Variants in ZNF516 observed in about 807,000 individuals in gnomAD.
The protein encoded by ZNF516 is zinc finger protein 516.
ZNF516 carries 19 observed loss-of-function variants against 79.7 expected under a neutral mutation model. That is an observed-to-expected ratio of 0.24 (90% CI 0.17 to 0.35). ZNF516 has a LOEUF of 0.35. Among genes scored for constraint, ZNF516 ranks in the 10% least tolerant of loss-of-function variants. The pLI is 1.00. For synonymous variants in ZNF516, 877 were observed against 739.5 expected, an observed-to-expected ratio of 1.19 and a Z score of -3.02; for missense variants, 1,678 against 1,679.5, an observed-to-expected ratio of 1.00 and a Z score of 0.02.
chr18:76,441,783 C>A lies in ZNF516; in HGVS notation c.1272G>T (p.Arg424=), dbSNP rs766425853. The stretch of plus-strand genomic sequence containing the variant: ...ACTCGGCCGGCTCGGCCACCTTACC[C>A]CGCGTGGCCAGCTGCCAGGCCTGGT... The part of the protein sequence containing the change: ...NSYQAWQLAT[R]GKVAEPAEYL... The change falls in exon 3 of 7, where the codon CGG becomes CGT. Residue 424 remains arginine (R), a synonymous_variant. Coordinates refer to ENST00000443185, the MANE Select transcript of ZNF516 (RefSeq NM_014643.4). The A allele has an allele frequency of 1.9e-6, 3 of 1,559,672 alleles. No individual in the cohort carries two copies. In the African/African-American group the frequency reaches 4.1e-5, roughly 21 times the overall value.
intron 3 of ZNF516, among the ~76,000 whole-genome samples, chr18:76,381,187 T>G (rs1437838946): frequency 6.6e-6 from 1 of 152,164 alleles, no homozygotes; most frequent in Admixed American, 6.5e-5. Flanking sequence ...TGGGCTGTGC[T>G]CGGAGGTTTT....
intron 4 of ZNF516, among the ~76,000 whole-genome samples, chr18:76,372,175 G>A (rs1599136849): frequency 6.6e-6 from 1 of 152,228 alleles, no homozygotes; most frequent in East Asian, 1.9e-4. Context: ...ATCGGCAAGG[G>A]GGGAAGTCCC....
intron 3 of ZNF516, among the ~76,000 whole-genome samples, chr18:76,407,869 G>A (rs1218185562): frequency 1.3e-5 from 2 of 152,208 alleles, no homozygotes; most frequent in Admixed American, 6.5e-5. Context: ...GTTCAAACAC[G>A]CAGCCCTCTG....
intron 3 of ZNF516, among the ~76,000 whole-genome samples, chr18:76,382,386 G>A (rs1270977339): frequency 6.6e-6 from 1 of 152,208 alleles, no homozygotes. Context: ...CCAGCAGGGA[G>A]AGATCTAGTT....
intron 3 of ZNF516, among the ~76,000 whole-genome samples, chr18:76,439,408 G>C (rs1000213952): frequency 3.9e-5 from 6 of 152,142 alleles, no homozygotes; most frequent in African/African-American, 1.4e-4. Context: ...CTCTCAATAA[G>C]CTGAAATATC....
chr18:76,482,031 A>G (rs2145787440), intron 1 of ZNF516, among the ~76,000 whole-genome samples: 1 of 152,336 alleles, frequency 6.6e-6, no homozygotes, highest in East Asian at 1.9e-4. Flanking sequence ...CTGTCTATGT[A>G]AGAATATACA....
intron 2 of ZNF516, among the ~76,000 whole-genome samples, chr18:76,457,562 T>C (rs558033480): frequency 6.6e-6 from 1 of 152,136 alleles, no homozygotes; most frequent in East Asian, 1.9e-4. Context: ...GATTAAAAAA[T>C]ACAAATTAGC....
At chr18:76,363,665 C>G (rs993567428) in intron 6 of ZNF516, among the ~76,000 whole-genome samples, 1 of 152,182 alleles carries the variant, frequency 6.6e-6, no homozygotes, top group Admixed American at 6.5e-5. Flanking sequence ...CTGCAGTAAA[C>G]GGACAAAGAC....
intron 3 of ZNF516, among the ~76,000 whole-genome samples, chr18:76,400,326 T>C (rs2075201832): frequency 6.6e-6 from 1 of 152,228 alleles, no homozygotes; most frequent in African/African-American, 2.4e-5. Flanking sequence ...GTTACAATTA[T>C]TGTCATTCTT....
intron 3 of ZNF516, among the ~76,000 whole-genome samples, chr18:76,405,291 C>T (rs972686217): frequency 3.0e-4 from 46 of 152,168 alleles, no homozygotes; most frequent in Non-Finnish European, 1.2e-4. Flanking sequence ...TGCAGTGGTG[C>T]AATCATAGCT....
chr18:76,371,195 TGAG>T (rs2074697623), intron 5 of ZNF516, among the ~76,000 whole-genome samples: 1 of 152,234 alleles, frequency 6.6e-6, no homozygotes, highest in Non-Finnish European at 1.5e-5. Context: ...TATTCATTTC[TGAG>T]GAGTCAGTTA....
intron 2 of ZNF516, among the ~76,000 whole-genome samples, chr18:76,457,833 G>T (rs1371572133): frequency 1.3e-5 from 2 of 152,218 alleles, no homozygotes; most frequent in Admixed American, 1.3e-4. Context: ...GGTTCCCTTT[G>T]TAAGAACATG....
Position 76,379,661 on chromosome 18 carries a change from G to A in ZNF516, c.2453C>T (p.Pro818Leu), listed in dbSNP as rs2074855668. 6.2e-7 allele frequency: 1 copy of A among 1,613,630 alleles called. No homozygotes were observed. The highest frequency in any genetic ancestry group is 8.5e-7 in the Non-Finnish European group (1 of 1,179,896). Reference sequence around the variant, plus strand: ...TTCTTTGCCACCGAGGGCAGGCGGGGGGCCCGTGCGTCCGCTCCGGGAAAG... The same window carrying A: ...TTCTTTGCCACCGAGGGCAGGCGGGAGGCCCGTGCGTCCGCTCCGGGAAAG... ...VFLSRSGRTG[P>L]PPALGGKECQ... Residue 818 changes from proline (P) to leucine (L), a missense_variant, in exon 4 of 7, where the codon CCC (proline) becomes CTC (leucine). By Grantham distance (98) the Pro-to-Leu change is moderately conservative. Around this residue, in one of 5 missense-constraint regions of ZNF516, gnomAD observed 1,294 missense variants for 1,248.3 expected, o/e 1.04. Transcript: ENST00000443185.
intron 3 of ZNF516, among the ~76,000 whole-genome samples, chr18:76,416,869 A>G (rs942978218): frequency 1.3e-5 from 2 of 152,136 alleles, no homozygotes; most frequent in East Asian, 3.9e-4. Flanking sequence ...TCCCTCCTCA[A>G]ATTAAAGGGG....
chr18:76,419,284 A>T (rs1048732897), intron 3 of ZNF516, among the ~76,000 whole-genome samples: 2 of 152,238 alleles, frequency 1.3e-5, no homozygotes, highest in Admixed American at 1.3e-4. Flanking sequence ...TGTTAGGTGT[A>T]TGTGTGTACA....
chr18:76,459,121 G>A lies in ZNF516; in HGVS notation c.-158+3907C>T, dbSNP rs1442578437. On this transcript the variant is annotated intron_variant, in intron 2 of 6. Coordinates refer to ENST00000443185, the MANE Select transcript of ZNF516 (RefSeq NM_014643.4). This position sits in a 1 kb window ranked among gnomAD's most constrained non-coding sequence, Gnocchi z 5.0. ...TTCCAACAATCTACCAGCAACACTC[G>A]TGCCCATGTGCCTGGATTACCAGCT... Among the ~76,000 whole-genome samples, 2 of 152,172 alleles carry A rather than the reference G, an allele frequency of 1.3e-5. No individual in the cohort carries two copies. Among genetic ancestry groups the A allele is most frequent in the Non-Finnish European group, 2.9e-5 (2 of 68,026 alleles).
In ZNF516 at chr18:76,359,933, C is replaced by T. The variant is rs1049172364; in HGVS notation, c.*2565G>A. 6.6e-6 allele frequency: 1 copy of T among 152,212 alleles called. No homozygotes were observed. The highest frequency in any genetic ancestry group is 2.4e-5 in the African/African-American group (1 of 41,446). 9.4% of individuals were successfully genotyped at this position (152,212 alleles called of 1,614,324 possible). On this transcript the variant is annotated 3_prime_UTR_variant, in exon 7 of 7. Transcript: ENST00000443185. ...AATTAACAAACCAACACAATACTGA[C>T]GATGGGTGGAAGGAAGGGACCACAC...
chr18:76,423,770 A>G (rs1431848378), intron 3 of ZNF516, among the ~76,000 whole-genome samples: 2 of 140,408 alleles, frequency 1.4e-5, no homozygotes, highest in South Asian at 4.6e-4. Flanking sequence ...GCTCCCCCGA[A>G]ACACACGCAG....
intron 3 of ZNF516, among the ~76,000 whole-genome samples, chr18:76,423,912 C>T (rs1253657076): frequency 1.9e-4 from 20 of 103,420 alleles, no homozygotes; most frequent in South Asian, 6.6e-4. Flanking sequence ...GGTGAAAAGG[C>T]TCCCTCCTGA....
Sources: allele counts gnomAD v4.1 joint callset (sites outside exome capture counted in the v4.1 genomes callset), GRCh38; gene constraint gnomAD v4.1.1; regional missense constraint gnomAD v4.1.1; non-coding constraint Gnocchi (gnomAD v3.1); transcripts MANE v1.5; gene names NCBI Gene and HGNC (gene_info 2026-07-23, HGNC 2026-07-21).